FGD4: variants seen among roughly 807,000 people sequenced by gnomAD.
FGD4 encodes FYVE, RhoGEF and PH domain containing 4, also known as FYVE, RhoGEF and PH domain-containing protein 4.
Under a neutral mutation model 102.0 loss-of-function variants are expected in FGD4, and 42 were observed. The ratio of observed to expected loss-of-function variants is 0.41; its 90% CI spans 0.32 to 0.53. FGD4 has a LOEUF of 0.53. Among genes scored for constraint, FGD4 ranks in the 20% least tolerant of loss-of-function variants. The pLI, the probability that FGD4 is intolerant of heterozygous loss-of-function variation, is 0.21. For synonymous variants in FGD4, 380 were observed against 375.7 expected, an observed-to-expected ratio of 1.01 and a Z score of -0.13; for missense variants, 902 against 1,078.2, an observed-to-expected ratio of 0.84 and a Z score of 2.29.
At chr12:32,464,082 GC>G (rs1376854243) in intron 1 of FGD4, among the ~76,000 whole-genome samples, 1 of 152,102 alleles carries the variant, frequency 6.6e-6, no homozygotes, top group Non-Finnish European at 1.5e-5. Context: ...TTTAATGTTT[GC>G]TAAGCACTTA....
intron 1 of FGD4, among the ~76,000 whole-genome samples, chr12:32,476,925 T>C (rs1471706335): frequency 6.6e-6 from 1 of 152,206 alleles, no homozygotes; most frequent in Admixed American, 6.5e-5. Context: ...TGTTTTTCTT[T>C]AACAGTACTG....
At chr12:32,535,860 A>G (rs1171886533) in intron 1 of FGD4, among the ~76,000 whole-genome samples, 1 of 152,192 alleles carries the variant, frequency 6.6e-6, no homozygotes, top group Non-Finnish European at 1.5e-5. Flanking sequence ...GTGAATGTTG[A>G]TAAACATAGA....
At chr12:32,600,039 C>T (rs1279496991) in intron 5 of FGD4, among the ~76,000 whole-genome samples, 2 of 152,124 alleles carry the variant, frequency 1.3e-5, no homozygotes, top group African/African-American at 2.4e-5. Context: ...TCATTAGTTC[C>T]AGAAGTGAAC....
intron 1 of FGD4, among the ~76,000 whole-genome samples, chr12:32,405,889 G>A (rs539074675): frequency 1.5e-4 from 22 of 151,280 alleles, no homozygotes; most frequent in African/African-American, 5.3e-4. Flanking sequence ...TTTCAAATAC[G>A]CATTTGCTGG....
intron 15 of FGD4, among the ~76,000 whole-genome samples, chr12:32,634,420 T>C (rs1169169546): frequency 1.3e-5 from 2 of 152,132 alleles, no homozygotes; most frequent in African/African-American, 2.4e-5. Flanking sequence ...GTGATGGTAA[T>C]CTGATAACTA....
chr12:32,601,184 T>G (rs975270004), intron 5 of FGD4, 94 bp from the exon 6 acceptor site: 8 of 1,331,278 alleles, frequency 6.0e-6, no homozygotes, highest in Middle Eastern at 1.9e-4. Context: ...ATTTGCTCAA[T>G]AAAAAGTTAC....
intron 1 of FGD4, among the ~76,000 whole-genome samples, chr12:32,461,193 TATC>T (rs1246708273): frequency 6.6e-6 from 1 of 152,218 alleles, no homozygotes; most frequent in East Asian, 1.9e-4. Flanking sequence ...TTTGGGAAAA[TATC>T]ATATTTTAAA....
intron 1 of FGD4, among the ~76,000 whole-genome samples, chr12:32,445,300 AT>A (rs1453888358): frequency 6.6e-6 from 1 of 152,216 alleles, no homozygotes; most frequent in Admixed American, 6.5e-5. Flanking sequence ...TTTAAAATAA[AT>A]TTTTATATGT....
In FGD4 at chr12:32,537,464, C is replaced by T. The variant is rs145460478; in HGVS notation, c.167-26673C>T. Among the ~76,000 whole-genome samples the T allele has an allele frequency of 9.9e-5, 15 of 152,262 alleles. No homozygotes were observed. In the East Asian group the frequency reaches 2.3e-3, roughly 23 times the overall value. Reference sequence around the variant, plus strand: ...AACAGCCTGTGTGCACCTCTAAAAACGGAGGGCAGATAATTGCCACTTCTC... The same window carrying T: ...AACAGCCTGTGTGCACCTCTAAAAATGGAGGGCAGATAATTGCCACTTCTC... On this transcript the variant is annotated intron_variant, in intron 1 of 16. Coordinates refer to ENST00000534526, the MANE Select transcript of FGD4 (RefSeq NM_001370298.3).
chr12:32,602,411 T>G, intron 7 of FGD4, 94 bp downstream of exon 7: 2 of 1,485,472 alleles, frequency 1.3e-6, no homozygotes, highest in Non-Finnish European at 1.9e-6. Context: ...GAGATCTGTC[T>G]GAGATACCTA....
intron 6 of FGD4, among the ~76,000 whole-genome samples, chr12:32,601,792 G>T (rs1340263394): frequency 6.6e-6 from 1 of 152,210 alleles, no homozygotes; most frequent in Non-Finnish European, 1.5e-5. Context: ...CTCTAGTCCT[G>T]TCAATTCACT....
intron 14 of FGD4, among the ~76,000 whole-genome samples, chr12:32,630,407 A>G (rs1272419400): frequency 6.6e-6 from 1 of 152,128 alleles, no homozygotes; most frequent in African/African-American, 2.4e-5. Flanking sequence ...TGGGCATGGT[A>G]GCTCACACCT....
At chr12:32,448,512 C>A (rs906796845) in intron 1 of FGD4, among the ~76,000 whole-genome samples, 3 of 152,044 alleles carry the variant, frequency 2.0e-5, no homozygotes, top group African/African-American at 7.2e-5. Context: ...ACAAAATTAG[C>A]CAGGTGCGGT....
intron 1 of FGD4, among the ~76,000 whole-genome samples, chr12:32,460,651 T>G (rs891609739): frequency 2.0e-5 from 3 of 152,154 alleles, no homozygotes; most frequent in African/African-American, 7.2e-5. Flanking sequence ...TTGAAACAAC[T>G]TAGAGAAAGA....
At chr12:32,470,786 A>G (rs946370604) in intron 1 of FGD4, among the ~76,000 whole-genome samples, 1 of 151,760 alleles carries the variant, frequency 6.6e-6, no homozygotes, top group African/African-American at 2.4e-5. Flanking sequence ...CTTCCCACCA[A>G]TTGTTTGGTG....
At chr12:32,602,043 A>T in intron 6 of FGD4, 118 bp from the exon 7 acceptor site, 1 of 836,898 alleles carries the variant, frequency 1.2e-6, no homozygotes, top group Non-Finnish European at 2.0e-6. Flanking sequence ...TGAACCTGGG[A>T]GGTCGAGGTT....
chr12:32,442,196 G>A (rs1473902282), intron 1 of FGD4, among the ~76,000 whole-genome samples: 1 of 152,038 alleles, frequency 6.6e-6, no homozygotes, highest in Non-Finnish European at 1.5e-5. Flanking sequence ...TGGGACAACA[G>A]GCATGTGCCA....
intron 1 of FGD4, among the ~76,000 whole-genome samples, chr12:32,481,383 T>C (rs1250118898): frequency 6.6e-6 from 1 of 152,198 alleles, no homozygotes; most frequent in Non-Finnish European, 1.5e-5. Context: ...GATGTAATGA[T>C]CAAAGGAAAC....
At chr12:32,587,324 C>T (rs1947128353) in intron 4 of FGD4, among the ~76,000 whole-genome samples, 1 of 151,860 alleles carries the variant, frequency 6.6e-6, no homozygotes, top group Non-Finnish European at 1.5e-5. Context: ...TGACACATCA[C>T]TTTTTTTGTA....
Sources: allele counts gnomAD v4.1 joint callset (sites outside exome capture counted in the v4.1 genomes callset), GRCh38; gene constraint gnomAD v4.1.1; transcripts MANE v1.5; gene names NCBI Gene and HGNC (gene_info 2026-07-23, HGNC 2026-07-21).